Variants in ZMYM2 observed in about 807,000 individuals in gnomAD.
ZMYM2 encodes zinc finger MYM-type containing 2.
ZMYM2 carries 56 observed loss-of-function variants against 162.8 expected under a neutral mutation model. That is an observed-to-expected ratio of 0.34 (90% CI 0.28 to 0.43). The LOEUF (loss-of-function observed/expected upper bound fraction) is 0.43, where lower values mean the gene tolerates loss of function less well. Ranked by LOEUF, ZMYM2 falls within the 20% of genes least tolerant of loss-of-function variation. The probability of loss-of-function intolerance (pLI) is 1.00; values close to 1 mark genes in which losing one functional copy is unlikely to be tolerated. For synonymous variants in ZMYM2, 510 were observed against 541.6 expected, an observed-to-expected ratio of 0.94 and a Z score of 0.81; for missense variants, 1,275 against 1,621.8, an observed-to-expected ratio of 0.79 and a Z score of 3.67.
chr13:20,062,771 C>G, intron 17 of ZMYM2, 75 bp from the exon 18 acceptor site: 3 of 1,371,344 alleles, frequency 2.2e-6, no homozygotes, highest in African/African-American at 1.5e-5. Flanking sequence ...AAATGACTTG[C>G]TTTTGCCAGA....
At chr13:19,866,649 G>A in the ZMYM2 span, among the ~76,000 whole-genome samples, 1 of 152,112 alleles carries the variant, frequency 6.6e-6, no homozygotes, top group Non-Finnish European at 1.5e-5. Flanking sequence ...GGGCAACAAG[G>A]GCGAAACTCC....
At chr13:19,972,935 GT>G (rs1320146845) in intron 2 of ZMYM2, among the ~76,000 whole-genome samples, 1 of 146,140 alleles carries the variant, frequency 6.8e-6, no homozygotes, top group African/African-American at 2.6e-5. Flanking sequence ...ATGTATATAT[GT>G]TTTTTTGTTT....
intron 1 of ZMYM2, among the ~76,000 whole-genome samples, chr13:19,959,165 GGGGCCGGCGGGGCGGCGGGACGGC>G (rs1954864416): frequency 6.7e-6 from 1 of 148,238 alleles, no homozygotes; most frequent in Non-Finnish European, 1.5e-5. Flanking sequence ...CGGGGGTCGC[GGGGCCGGCGGGGCGGCGGGACGGC>G]GGGACGGCGG....
intron 2 of ZMYM2, among the ~76,000 whole-genome samples, chr13:19,987,649 G>GTA (rs1555288041): frequency 2.9e-3 from 439 of 149,802 alleles, no homozygotes; most frequent in Non-Finnish European, 5.3e-3. Flanking sequence ...GTGTGTGTGT[G>GTA]TGTGTGTGTA....
chr13:20,055,457 T>C (rs920163133), intron 14 of ZMYM2, among the ~76,000 whole-genome samples: 4 of 152,162 alleles, frequency 2.6e-5, no homozygotes, highest in African/African-American at 9.7e-5. Flanking sequence ...GGGTGTTTTG[T>C]TTTTGTTGTT....
At chr13:19,980,873 T>G (rs1267554754) in intron 2 of ZMYM2, among the ~76,000 whole-genome samples, 1 of 152,072 alleles carries the variant, frequency 6.6e-6, no homozygotes, top group Non-Finnish European at 1.5e-5. Context: ...TCAAAGTAAG[T>G]TTGCAGATAA....
chr13:20,069,728 GTGA>G (rs1956938145), intron 21 of ZMYM2, among the ~76,000 whole-genome samples: 1 of 151,736 alleles, frequency 6.6e-6, no homozygotes, highest in Non-Finnish European at 1.5e-5. Context: ...AGATATATTG[GTGA>G]TGATTTTTGC....
the ZMYM2 span, among the ~76,000 whole-genome samples, chr13:19,923,547 C>T: frequency 2.0e-5 from 3 of 148,220 alleles, no homozygotes; most frequent in Admixed American, 6.8e-5. Flanking sequence ...TTATAAGAGA[C>T]GGGGTTTCCC....
the ZMYM2 span, among the ~76,000 whole-genome samples, chr13:19,910,114 C>T: frequency 6.6e-6 from 1 of 151,472 alleles, no homozygotes. Context: ...GTAGTCCCAG[C>T]TACTCGGGAG....
the ZMYM2 span, among the ~76,000 whole-genome samples, chr13:19,884,653 G>T: frequency 6.6e-6 from 1 of 151,980 alleles, no homozygotes; most frequent in South Asian, 2.1e-4. Context: ...TGGTCCTTCC[G>T]GTGTGCCATA....
chr13:20,061,344 A>G (rs1956216827), intron 17 of ZMYM2, 120 bp downstream of exon 17: 1 of 1,131,352 alleles, frequency 8.8e-7, no homozygotes, highest in Non-Finnish European at 1.2e-6. Context: ...TGAGGAAAGC[A>G]TTGTAACAAA....
chr13:19,963,848 A>G (rs1045168855), intron 2 of ZMYM2, among the ~76,000 whole-genome samples: 2 of 152,196 alleles, frequency 1.3e-5, no homozygotes, highest in Admixed American at 6.5e-5. Flanking sequence ...TAAGAGTTTA[A>G]AAAGATGTGC....
At chr13:19,963,232 A>G (rs559194498) in intron 2 of ZMYM2, among the ~76,000 whole-genome samples, 2 of 152,278 alleles carry the variant, frequency 1.3e-5, no homozygotes, top group Admixed American at 6.5e-5. Context: ...GGGCATTTCA[A>G]TTTAGGGAAG....
chr13:20,015,460 T>C (rs1021316108), intron 6 of ZMYM2, among the ~76,000 whole-genome samples: 16 of 152,214 alleles, frequency 1.1e-4, no homozygotes, highest in Admixed American at 6.5e-4. Context: ...TATATGTTTG[T>C]TATTAATAAC....
chr13:19,878,525 T>TCCCC, the ZMYM2 span, among the ~76,000 whole-genome samples: 1 of 147,094 alleles, frequency 6.8e-6, no homozygotes. Flanking sequence ...CCCTTTTTTT[T>TCCCC]TTTTTTTTTT....
the ZMYM2 span, among the ~76,000 whole-genome samples, chr13:19,933,755 G>A: frequency 4.1e-4 from 62 of 152,218 alleles, 1 homozygote; most frequent in African/African-American, 9.2e-4. Flanking sequence ...TTTATTGTCC[G>A]TCAATGACAG....
intron 2 of ZMYM2, among the ~76,000 whole-genome samples, chr13:19,990,447 T>G (rs754697967): frequency 3.9e-5 from 6 of 152,230 alleles, no homozygotes; most frequent in East Asian, 3.8e-4. Flanking sequence ...GAATATCCTG[T>G]CCCCAGTTTT....
chr13:19,949,082 C>A, the ZMYM2 span, among the ~76,000 whole-genome samples: 1 of 143,922 alleles, frequency 6.9e-6, no homozygotes, highest in African/African-American at 2.5e-5. Flanking sequence ...GCCTGGGTAA[C>A]ATGGCAAAAC....
intron 2 of ZMYM2, among the ~76,000 whole-genome samples, chr13:19,978,867 G>A (rs1184034259): frequency 6.6e-6 from 1 of 152,106 alleles, no homozygotes; most frequent in Non-Finnish European, 1.5e-5. Flanking sequence ...TTACTCTTCA[G>A]TGTTTTATCA....
Sources: allele counts gnomAD v4.1 joint callset (sites outside exome capture counted in the v4.1 genomes callset), GRCh38; gene constraint gnomAD v4.1.1; transcripts MANE v1.5; gene names NCBI Gene and HGNC (gene_info 2026-07-23, HGNC 2026-07-21).